TMEFF1: variants seen among roughly 807,000 people sequenced by gnomAD.
TMEFF1 encodes the protein tomoregulin-1.
In TMEFF1, 20 loss-of-function variants were observed where a neutral mutation model predicts 47.5. The ratio of observed to expected loss-of-function variants is 0.42; its 90% CI spans 0.30 to 0.61. TMEFF1 has a LOEUF of 0.61. Among genes scored for constraint, TMEFF1 ranks in the 20% least tolerant of loss-of-function variants. TMEFF1 has a pLI of 0.19. For missense variants in TMEFF1, 411 were observed against 471.1 expected, an observed-to-expected ratio of 0.87 and a Z score of 1.18; for synonymous variants, 162 against 166.3, an observed-to-expected ratio of 0.97 and a Z score of 0.20.
At chr9:100,571,471 G>T (rs1346537547) in intron 8 of TMEFF1, among the ~76,000 whole-genome samples, 1 of 152,110 alleles carries the variant, frequency 6.6e-6, no homozygotes, top group Non-Finnish European at 1.5e-5. Context: ...GATTTTAAGT[G>T]TTCTCACCAC....
intron 5 of TMEFF1, among the ~76,000 whole-genome samples, chr9:100,542,923 CTTTTTTTTTTT>C (rs34994276): frequency 4.8e-5 from 5 of 104,588 alleles, no homozygotes; most frequent in East Asian, 2.3e-4. Context: ...CTCTCTCTCT[CTTTTTTTTTTT>C]TTTTTTTTTT....
At chr9:100,495,661 A>T (rs1204537630) in intron 1 of TMEFF1, among the ~76,000 whole-genome samples, 1 of 152,296 alleles carries the variant, frequency 6.6e-6, no homozygotes, top group East Asian at 1.9e-4. Flanking sequence ...GCATGAACAC[A>T]CATGAAACTA....
intron 7 of TMEFF1, among the ~76,000 whole-genome samples, chr9:100,561,037 T>C (rs1188971926): frequency 6.6e-6 from 1 of 152,244 alleles, no homozygotes; most frequent in Non-Finnish European, 1.5e-5. Flanking sequence ...GCCAATTCTA[T>C]GTACACCATC....
At chr9:100,507,644 GTCT>G (rs1350374872) in intron 2 of TMEFF1, among the ~76,000 whole-genome samples, 1 of 152,038 alleles carries the variant, frequency 6.6e-6, no homozygotes, top group Non-Finnish European at 1.5e-5. Context: ...TCACTTGTAT[GTCT>G]TCTTTTGAGA....
chr9:100,569,412 A>C (rs879292542), intron 8 of TMEFF1, among the ~76,000 whole-genome samples: 13 of 152,148 alleles, frequency 8.5e-5, no homozygotes, highest in Admixed American at 2.0e-4. Flanking sequence ...GAGTTGTATT[A>C]GTTATTTATA....
intron 5 of TMEFF1, among the ~76,000 whole-genome samples, chr9:100,525,492 GT>G (rs1297401732): frequency 6.6e-6 from 1 of 152,094 alleles, no homozygotes; most frequent in African/African-American, 2.4e-5. Flanking sequence ...AGGGTCCTGA[GT>G]GCAGGAGCGT....
intron 5 of TMEFF1, among the ~76,000 whole-genome samples, chr9:100,529,593 A>T (rs1241041052): frequency 6.6e-6 from 1 of 152,064 alleles, no homozygotes; most frequent in Non-Finnish European, 1.5e-5. Flanking sequence ...TTCATAAAGC[A>T]AGTCCTGAGT....
intron 6 of TMEFF1, among the ~76,000 whole-genome samples, chr9:100,549,405 C>T (rs929011841): frequency 1.3e-5 from 2 of 152,284 alleles, no homozygotes; most frequent in Admixed American, 1.3e-4. Flanking sequence ...TTGGGGATTA[C>T]AATTAGACAC....
intron 8 of TMEFF1, among the ~76,000 whole-genome samples, chr9:100,571,104 T>C (rs1839230610): frequency 6.6e-6 from 1 of 152,202 alleles, no homozygotes; most frequent in African/African-American, 2.4e-5. Flanking sequence ...GTTTCTGTTA[T>C]TAATAACTTA....
intron 7 of TMEFF1, among the ~76,000 whole-genome samples, chr9:100,553,560 CT>C (rs148498238): frequency 0.022 from 3,311 of 152,252 alleles, 99 homozygotes; most frequent in African/African-American, 0.076. Context: ...TCTAGAATAG[CT>C]GCTGAATTAG....
chr9:100,526,756 G>A (rs1350879278), intron 5 of TMEFF1, among the ~76,000 whole-genome samples: 1 of 151,644 alleles, frequency 6.6e-6, no homozygotes, highest in African/African-American at 2.4e-5. Flanking sequence ...AATGTTATGT[G>A]GCCTTTTAAA....
chr9:100,567,337 G>A (rs565059672), intron 8 of TMEFF1, among the ~76,000 whole-genome samples: 76 of 152,164 alleles, frequency 5.0e-4, no homozygotes, highest in Non-Finnish European at 7.9e-4. Flanking sequence ...TAACCTACCC[G>A]GATTGCCTTA....
At chr9:100,484,467 C>T (rs574831206) in intron 1 of TMEFF1, among the ~76,000 whole-genome samples, 8 of 152,130 alleles carry the variant, frequency 5.3e-5, no homozygotes, top group South Asian at 4.1e-4. Context: ...TATAAGCGCC[C>T]GCCACCATGC....
At chr9:100,533,980 G>A (rs989358113) in intron 5 of TMEFF1, among the ~76,000 whole-genome samples, 1 of 152,072 alleles carries the variant, frequency 6.6e-6, no homozygotes. Context: ...ACCTTCTAAA[G>A]TGCTGGGATT....
intron 2 of TMEFF1, among the ~76,000 whole-genome samples, chr9:100,503,054 T>C (rs1460803548): frequency 2.6e-5 from 4 of 152,186 alleles, no homozygotes; most frequent in Non-Finnish European, 5.9e-5. Context: ...AGACTTAGGT[T>C]ATTGCCAGCT....
intron 8 of TMEFF1, among the ~76,000 whole-genome samples, chr9:100,566,877 G>A (rs1839136949): frequency 6.6e-6 from 1 of 151,764 alleles, no homozygotes; most frequent in Non-Finnish European, 1.5e-5. Flanking sequence ...GCTATTTTTT[G>A]TATTTTTAGT....
At chr9:100,476,801 A>G (rs1447341469) in intron 1 of TMEFF1, among the ~76,000 whole-genome samples, 1 of 146,578 alleles carries the variant, frequency 6.8e-6, no homozygotes, top group Non-Finnish European at 1.5e-5. Context: ...GGTTCGCGCC[A>G]TTCTCCTGCC....
chr9:100,530,348 CAAAG>C (rs1488352084), intron 5 of TMEFF1, among the ~76,000 whole-genome samples: 2 of 151,282 alleles, frequency 1.3e-5, no homozygotes, highest in African/African-American at 4.9e-5. Context: ...GCAAGACTAA[CAAAG>C]AAAAAAAGAG....
chr9:100,564,623 T>C (rs909328384), intron 8 of TMEFF1, among the ~76,000 whole-genome samples: 2 of 152,122 alleles, frequency 1.3e-5, no homozygotes, highest in South Asian at 4.1e-4. Context: ...GGGGACATTG[T>C]TGGAGGAAGG....
Sources: allele counts gnomAD v4.1 joint callset (sites outside exome capture counted in the v4.1 genomes callset), GRCh38; gene constraint gnomAD v4.1.1; transcripts MANE v1.5; gene names NCBI Gene and HGNC (gene_info 2026-07-23, HGNC 2026-07-21).